SMN2: variants seen among roughly 807,000 people sequenced by gnomAD.
SMN2 encodes survival of motor neuron 2, centromeric.
SMN2 carries 1 observed loss-of-function variant against 2.8 expected under a neutral mutation model. The observed-to-expected ratio is 0.35, with a 90% CI of 0.13 to 1.68. The LOEUF is 1.68. Ranked by LOEUF, SMN2 falls within the 40% of genes most tolerant of loss-of-function variation. The probability of loss-of-function intolerance (pLI) is 0.35; values close to 1 mark genes in which losing one functional copy is unlikely to be tolerated. For missense variants in SMN2, 12 were observed against 16.9 expected (o/e 0.71, Z 0.51); for synonymous variants, 5 against 5.0 (o/e 0.99, Z 0.01).
chr5:70,075,460 C>T (rs1243649470), intron 7 of SMN2, among the ~76,000 whole-genome samples: 2 of 111,472 alleles, frequency 1.8e-5, no homozygotes, highest in Non-Finnish European at 3.7e-5. Context: ...TTGATCCACC[C>T]GCCTCAGCCT....
At chr5:70,084,408 T>C in the SMN2 span, among the ~76,000 whole-genome samples, 1 of 125,176 alleles carries the variant, frequency 8.0e-6, no homozygotes, top group Admixed American at 8.3e-5. Context: ...AGGCTGATCT[T>C]GAACTCCTGA....
chr5:70,074,864 T>C (rs1216428602), intron 7 of SMN2, among the ~76,000 whole-genome samples: 1 of 120,796 alleles, frequency 8.3e-6, no homozygotes, highest in Non-Finnish European at 1.7e-5. Context: ...TGGTGGCGCA[T>C]GCCTGTAATC....
At chr5:70,083,712 A>C in the SMN2 span, among the ~76,000 whole-genome samples, 11 of 130,970 alleles carry the variant, frequency 8.4e-5, no homozygotes, top group African/African-American at 2.4e-4. Context: ...ACAAAAAACC[A>C]AACACCGCAT....
intron 1 of SMN2, among the ~76,000 whole-genome samples, chr5:70,052,184 T>C (rs1774454606): frequency 7.3e-6 from 1 of 137,514 alleles, no homozygotes; most frequent in Non-Finnish European, 1.6e-5. Context: ...TAGTGAGACT[T>C]CACCTCAAAA....
At chr5:70,083,762 TGGAC>T in the SMN2 span, among the ~76,000 whole-genome samples, 1 of 119,542 alleles carries the variant, frequency 8.4e-6, no homozygotes, top group African/African-American at 3.9e-5. Flanking sequence ...TGAGAACACA[TGGAC>T]ACAGGAAGGG....
intron 7 of SMN2, among the ~76,000 whole-genome samples, chr5:70,075,658 TTTTAAATTTTTTACA>T (rs1774728699): frequency 8.3e-6 from 1 of 120,592 alleles, no homozygotes; most frequent in African/African-American, 3.4e-5. Flanking sequence ...CCGGCAATGT[TTTTAAATTTTTTACA>T]TTTAAATTTT....
At chr5:70,084,915 A>T in the SMN2 span, among the ~76,000 whole-genome samples, 1 of 138,000 alleles carries the variant, frequency 7.2e-6, no homozygotes, top group Non-Finnish European at 1.5e-5. Context: ...ACATACACAG[A>T]GGTGAAAAAT....
the SMN2 span, among the ~76,000 whole-genome samples, chr5:70,084,128 T>C: frequency 1.3e-5 from 1 of 78,046 alleles, no homozygotes; most frequent in Admixed American, 1.5e-4. Context: ...AGTCAGCATC[T>C]TTAGGATTAA....
downstream of SMN2, among the ~76,000 whole-genome samples, chr5:70,081,232 G>T (rs1458466421): frequency 7.1e-5 from 8 of 113,434 alleles, no homozygotes; most frequent in South Asian, 2.9e-4. Context: ...TCTCTGTTTT[G>T]GTACCAGTAC....
chr5:70,072,730 GA>G (rs1414679384), intron 7 of SMN2, among the ~76,000 whole-genome samples: 1 of 39,844 alleles, frequency 2.5e-5, no homozygotes, highest in Admixed American at 3.5e-4. Context: ...TGAAATATTT[GA>G]AAAAAATACA....
chr5:70,079,431 CAAAAAAA>C (rs58866189), downstream of SMN2, among the ~76,000 whole-genome samples: 1 of 103,898 alleles, frequency 9.6e-6, no homozygotes. Context: ...GACTCCGTCT[CAAAAAAA>C]AAAAAAAAAA....
At position 70,075,976 on chromosome 5, in the gene SMN2, C is replaced by G. The variant is rs1337064146; in HGVS notation, c.835-545C>G. 8.7e-5 allele frequency among the ~76,000 whole-genome samples: 11 copies of G among 126,354 alleles called. 3 individuals are homozygous for G. In the Middle Eastern group the frequency reaches 0.011, roughly 123 times the overall value. The allele number at this position is 126,354 out of a possible 152,430, so 82.9% of individuals were successfully genotyped here. A position where few individuals can be genotyped will look rare whatever the true frequency, so the allele number is the denominator to read the frequency against. On this transcript the variant is annotated intron_variant, in intron 7 of 8. Coordinates refer to ENST00000380743, the MANE Select transcript of SMN2 (RefSeq NM_017411.4). Reference sequence around the variant, plus strand: ...TCAAGTGATTCTCCTGCCTCAACCTCCCAAGTAGCTGGGATTAGAGGTCCC... The same window carrying G: ...TCAAGTGATTCTCCTGCCTCAACCTGCCAAGTAGCTGGGATTAGAGGTCCC...
At chr5:70,083,480 C>T (rs1283809041), downstream of SMN2, among the ~76,000 whole-genome samples, 3 of 136,088 alleles carry the variant, frequency 2.2e-5, no homozygotes, top group Non-Finnish European at 4.6e-5. Context: ...ATAAATCATG[C>T]TGCTATGAAG....
Position 70,074,719 on chromosome 5 carries a change from G to A in SMN2, c.835-1802G>A, listed in dbSNP as rs1245231960. ...CTGAAAGAAGAAAAATCAGCTGGGCGCAGTGGCTCACGCCGGTAATCCCAA... is the reference window on the plus strand; with the variant it reads ...CTGAAAGAAGAAAAATCAGCTGGGCACAGTGGCTCACGCCGGTAATCCCAA... On this transcript the variant is annotated intron_variant, in intron 7 of 8. Coordinates refer to ENST00000380743, the MANE Select transcript of SMN2 (RefSeq NM_017411.4). 5.7e-5 allele frequency among the ~76,000 whole-genome samples: 7 copies of A among 122,274 alleles called. 1 individual carries two copies. The highest frequency in any genetic ancestry group is 2.3e-4 in the African/African-American group (7 of 30,708). 80.2% of individuals were successfully genotyped at this position (122,274 alleles called of 152,430 possible).
the SMN2 span, among the ~76,000 whole-genome samples, chr5:70,083,808 G>C: frequency 1.5e-5 from 2 of 132,476 alleles, no homozygotes; most frequent in Non-Finnish European, 3.1e-5. Flanking sequence ...GTTGTGGGGT[G>C]GGGGGAGTGG....
downstream of SMN2, among the ~76,000 whole-genome samples, chr5:70,079,853 T>C (rs1412815836): frequency 1.2e-5 from 1 of 80,846 alleles, no homozygotes; most frequent in African/African-American, 7.3e-5. Flanking sequence ...ACATGATCTA[T>C]GTTGCCCAAG....
intron 7 of SMN2, among the ~76,000 whole-genome samples, chr5:70,071,663 C>A (rs1296889945): frequency 6.8e-6 from 1 of 147,394 alleles, no homozygotes; most frequent in East Asian, 2.0e-4. Context: ...CTACAGGCGC[C>A]CGCCACCACG....
downstream of SMN2, among the ~76,000 whole-genome samples, chr5:70,082,032 G>A (rs1478070629): frequency 3.0e-5 from 4 of 134,678 alleles, 1 homozygote; most frequent in African/African-American, 6.4e-5. Flanking sequence ...TTTGAGATAC[G>A]TCCCATCAGT....
intron 7 of SMN2, 48 bp from the exon 8 acceptor site, chr5:70,076,473 C>G: frequency 8.3e-7 from 1 of 1,203,686 alleles, no homozygotes; most frequent in Non-Finnish European, 1.2e-6. Context: ...ATATAGCTAT[C>G]TATATCTATA....
Sources: allele counts gnomAD v4.1 joint callset (sites outside exome capture counted in the v4.1 genomes callset), GRCh38; gene constraint gnomAD v4.1.1; transcripts MANE v1.5; gene names NCBI Gene and HGNC (gene_info 2026-07-23, HGNC 2026-07-21).